MCC: variants seen among roughly 807,000 people sequenced by gnomAD.
MCC encodes the protein colorectal mutant cancer protein.
MCC carries 90 observed loss-of-function variants against 116.2 expected under a neutral mutation model. The ratio of observed to expected loss-of-function variants is 0.77; its 90% CI spans 0.65 to 0.92. The LOEUF is 0.92. Among genes scored for constraint, MCC ranks in the 40% least tolerant of loss-of-function variants. The probability of loss-of-function intolerance (pLI) is 0.00; values close to 1 mark genes in which losing one functional copy is unlikely to be tolerated. For missense variants in MCC, 1,516 were observed against 1,312.2 expected, an observed-to-expected ratio of 1.16 and a Z score of -2.40; for synonymous variants, 578 against 510.5, an observed-to-expected ratio of 1.13 and a Z score of -1.78.
intron 3 of MCC, among the ~76,000 whole-genome samples, chr5:113,159,583 ATATG>A (rs1760368880): frequency 6.6e-6 from 1 of 152,330 alleles, no homozygotes; most frequent in East Asian, 1.9e-4. Context: ...AGTCAATAAA[ATATG>A]TATGTCCCAG....
intron 18 of MCC, among the ~76,000 whole-genome samples, chr5:113,027,761 C>T (rs190329453): frequency 3.0e-4 from 46 of 152,276 alleles, no homozygotes; most frequent in African/African-American, 9.6e-4. Context: ...AGAGTCAAAC[C>T]AGCAATCCAA....
chr5:113,261,043 A>C (rs552656592), intron 3 of MCC, among the ~76,000 whole-genome samples: 27 of 152,292 alleles, frequency 1.8e-4, no homozygotes, highest in Admixed American at 1.6e-3. Flanking sequence ...TTTACAAATA[A>C]TATACAGAAA....
intron 3 of MCC, among the ~76,000 whole-genome samples, chr5:113,167,594 A>C (rs2150301337): frequency 6.6e-6 from 1 of 152,256 alleles, no homozygotes; most frequent in East Asian, 1.9e-4. Flanking sequence ...TGGGGCAGAG[A>C]AACATGACCT....
intron 3 of MCC, among the ~76,000 whole-genome samples, chr5:113,329,748 T>C (rs1767654774): frequency 2.0e-5 from 3 of 152,162 alleles, no homozygotes; most frequent in Admixed American, 2.0e-4. Context: ...CATTATACTA[T>C]CCAACTGCAA....
At chr5:113,107,466 T>C (rs1292752880) in intron 6 of MCC, among the ~76,000 whole-genome samples, 2 of 152,122 alleles carry the variant, frequency 1.3e-5, no homozygotes, top group African/African-American at 4.8e-5. Context: ...CTTTTGTTCC[T>C]TGTTGTGGAC....
chr5:113,061,339 G>A (rs951828344), intron 14 of MCC, among the ~76,000 whole-genome samples: 11 of 152,242 alleles, frequency 7.2e-5, no homozygotes, highest in Non-Finnish European at 2.9e-5. Context: ...TGAGATCGAT[G>A]ACTACGCTGC....
intron 3 of MCC, among the ~76,000 whole-genome samples, chr5:113,313,939 G>C (rs1034088186): frequency 1.3e-5 from 2 of 152,086 alleles, no homozygotes; most frequent in African/African-American, 2.4e-5. Flanking sequence ...TCCCGCTTCG[G>C]CCTCCCAAGT....
chr5:113,444,491 T>A (rs1195429724), intron 1 of MCC, among the ~76,000 whole-genome samples: 1 of 152,228 alleles, frequency 6.6e-6, no homozygotes, highest in Non-Finnish European at 1.5e-5. Context: ...CATGTCCTAG[T>A]CTTAGTTCCT....
intron 1 of MCC, among the ~76,000 whole-genome samples, chr5:113,465,992 G>T (rs1011376969): frequency 6.6e-6 from 1 of 151,388 alleles, no homozygotes; most frequent in Non-Finnish European, 1.5e-5. Context: ...GCTGGAGTGC[G>T]GTGGCGCGAT....
intron 5 of MCC, among the ~76,000 whole-genome samples, chr5:113,129,269 C>T (rs1029837067): frequency 6.6e-6 from 1 of 152,022 alleles, no homozygotes; most frequent in African/African-American, 2.4e-5. Flanking sequence ...CTGCAGGGTC[C>T]TAGAGGTTTA....
intron 3 of MCC, among the ~76,000 whole-genome samples, chr5:113,316,746 ACCAAACTGCTCC>A (rs1767296333): frequency 6.6e-6 from 1 of 152,200 alleles, no homozygotes; most frequent in African/African-American, 2.4e-5. Flanking sequence ...AAGAGGGTAA[ACCAAACTGCTCC>A]CCCACCACCA....
At chr5:113,145,047 G>C (rs766366573) in intron 4 of MCC, among the ~76,000 whole-genome samples, 1 of 152,194 alleles carries the variant, frequency 6.6e-6, no homozygotes, top group East Asian at 1.9e-4. Context: ...AGGAAAAGGA[G>C]AAGTCCACAA....
intron 17 of MCC, 118 bp downstream of exon 17, chr5:113,043,412 G>A: frequency 3.2e-6 from 3 of 939,924 alleles, no homozygotes; most frequent in Non-Finnish European, 5.0e-6. Flanking sequence ...TGGCTTCCAA[G>A]ACATGGGTAA....
intron 2 of MCC, among the ~76,000 whole-genome samples, chr5:113,344,420 G>C (rs1469949911): frequency 2.0e-5 from 3 of 152,104 alleles, no homozygotes; most frequent in African/African-American, 7.2e-5. Context: ...AGGTGGACTA[G>C]GGCAGCATAT....
At position 113,101,904 on chromosome 5, in the gene MCC, A is replaced by G; in HGVS notation, c.1233T>C (p.Tyr411=). ...EIEGVLGRDL[Y]PNLAEERSRW... ...GAGACCTCTCTTCAGCCAGGTTGGG[A>G]TACAGGTCCCGGCCAAGCACCCCCT... The change falls in exon 8 of 19, where the codon TAT becomes TAC. Residue 411 remains tyrosine, a synonymous_variant. Coordinates refer to ENST00000408903, the MANE Select transcript of MCC (RefSeq NM_001085377.2). 6.2e-7 allele frequency: 1 copy of G among 1,613,848 alleles called. No individual in the cohort carries two copies.
chr5:113,183,222 G>T (rs1217932072), intron 3 of MCC, among the ~76,000 whole-genome samples: 2 of 152,152 alleles, frequency 1.3e-5, no homozygotes, highest in Non-Finnish European at 2.9e-5. Context: ...TAAGACAAGA[G>T]CTCTGATTCA....
chr5:113,450,006 A>T lies in MCC; in HGVS notation c.170+38239T>A, dbSNP rs193034388. Among the ~76,000 whole-genome samples the T allele has an allele frequency of 8.5e-5, 13 of 152,292 alleles. No individual in the cohort carries two copies. The East Asian group carries it at 2.5e-3, about 29-fold the overall frequency. On this transcript the variant is annotated intron_variant, in intron 1 of 18. Transcript: ENST00000408903. ...CATGAAATTATATACAGTTTGCACA[A>T]TTGCACAATGTATAATTTGCAGTGT...
chr5:113,238,973 T>A (rs1764256995), intron 3 of MCC, among the ~76,000 whole-genome samples: 1 of 152,228 alleles, frequency 6.6e-6, no homozygotes, highest in Non-Finnish European at 1.5e-5. Context: ...AAAGATGAGG[T>A]AACTATGACA....
At chr5:113,046,162 A>C (rs1316365398) in intron 16 of MCC, among the ~76,000 whole-genome samples, 1 of 152,174 alleles carries the variant, frequency 6.6e-6, no homozygotes, top group Admixed American at 6.5e-5. Flanking sequence ...TGTTAAAAAA[A>C]AATCATCTGG....
Sources: allele counts gnomAD v4.1 joint callset (sites outside exome capture counted in the v4.1 genomes callset), GRCh38; gene constraint gnomAD v4.1.1; transcripts MANE v1.5; gene names NCBI Gene and HGNC (gene_info 2026-07-23, HGNC 2026-07-21).